Variants in IRF2 observed in about 807,000 individuals in gnomAD.
IRF2 encodes the protein interferon regulatory factor 2.
IRF2 carries 15 observed loss-of-function variants against 40.6 expected under a neutral mutation model. That is an observed-to-expected ratio of 0.37 (90% CI 0.25 to 0.57). IRF2 has a LOEUF of 0.57. IRF2 is among the 20% of genes least tolerant of loss of function. The probability of loss-of-function intolerance (pLI) is 0.77; values close to 1 mark genes in which losing one functional copy is unlikely to be tolerated. For synonymous variants in IRF2, 151 were observed against 165.5 expected (o/e 0.91, Z 0.67); for missense variants, 317 against 455.7 (o/e 0.70, Z 2.77).
intron 1 of IRF2, among the ~76,000 whole-genome samples, chr4:184,432,312 T>C (rs55996943): frequency 0.42 from 64,564 of 152,074 alleles, 14,451 homozygotes; most frequent in East Asian, 0.57. Context: ...AAGGCCACAC[T>C]CTGCCTTCCC....
In IRF2 at chr4:184,408,871, T is replaced by C. The variant is rs1736967645; in HGVS notation, c.412-596A>G. On this transcript the variant is annotated intron_variant, in intron 5 of 8. Coordinates refer to ENST00000393593, the MANE Select transcript of IRF2 (RefSeq NM_002199.4). This position sits in a 1 kb window ranked among gnomAD's most constrained non-coding sequence, Gnocchi z 4.9. Reference sequence around the variant, plus strand: ...AGTCCAGCCGGGCAACCCCACACCATGGGCTTTACATAAATGCCCTTCAGG... The same window carrying C: ...AGTCCAGCCGGGCAACCCCACACCACGGGCTTTACATAAATGCCCTTCAGG... Among the ~76,000 whole-genome samples, 4 of 152,262 alleles carry C rather than the reference T, an allele frequency of 2.6e-5. No homozygotes were observed. Among genetic ancestry groups the C allele is most frequent in the South Asian group, 4.1e-4 (2 of 4,836 alleles).
In IRF2 at chr4:184,418,760, G is replaced by A. The variant is rs1737371723; in HGVS notation, c.188-52C>T. 11 of 1,494,486 alleles carry A rather than the reference G, an allele frequency of 7.4e-6. No individual in the cohort carries two copies. In the East Asian group the frequency reaches 2.3e-4, roughly 31 times the overall value. 92.6% of individuals were successfully genotyped at this position (1,494,486 alleles called of 1,614,324 possible). ...AAAGAGAGAAAACATTAGATACAGA[G>A]GAAGGAATTTCTGGAAACACAGTAT... On this transcript the variant is annotated intron_variant, in intron 3 of 8. Coordinates refer to ENST00000393593, the MANE Select transcript of IRF2 (RefSeq NM_002199.4).
Position 184,398,876 on chromosome 4 carries a change from C to T in IRF2, c.694+39G>A, listed in dbSNP as rs113848358. 1.1e-4 allele frequency: 166 copies of T among 1,546,362 alleles called. 1 individual carries two copies. Among genetic ancestry groups the T allele is most frequent in the African/African-American group, 2.7e-4 (20 of 72,770 alleles). ...ACCCTAGACCAAAGGACTGCGCGGC[C>T]GGTTCCCACGCCTCCCGGAGCCTCC... On this transcript the variant is annotated intron_variant, in intron 7 of 8. Coordinates refer to ENST00000393593, the MANE Select transcript of IRF2 (RefSeq NM_002199.4).
chr4:184,403,219 G>A (rs918386480), intron 6 of IRF2, among the ~76,000 whole-genome samples: 3 of 152,030 alleles, frequency 2.0e-5, no homozygotes, highest in Non-Finnish European at 2.9e-5. Context: ...TCCCAATATC[G>A]AAATGCTCTC....
At chr4:184,389,102 T>C (rs780867125) in intron 8 of IRF2, 36 bp from the exon 9 acceptor site, 2 of 1,598,178 alleles carry the variant, frequency 1.3e-6, no homozygotes, top group South Asian at 2.2e-5. Flanking sequence ...TATTTCCTTC[T>C]CCTTCTATTG....
chr4:184,469,352 C>T (rs1739438713), intron 1 of IRF2, among the ~76,000 whole-genome samples: 1 of 152,182 alleles, frequency 6.6e-6, no homozygotes, highest in Non-Finnish European at 1.5e-5. Context: ...GGAGTTCTGA[C>T]TGGAAGTCAT....
intron 1 of IRF2, among the ~76,000 whole-genome samples, chr4:184,470,246 G>A (rs893047866): frequency 2.6e-5 from 4 of 152,112 alleles, no homozygotes; most frequent in South Asian, 4.1e-4. Context: ...ACATTTCACC[G>A]CAGTTTCGTT....
intron 8 of IRF2, 151 bp from the exon 9 acceptor site, chr4:184,389,217 T>G (rs1736163255): frequency 2.7e-6 from 2 of 736,980 alleles, no homozygotes; most frequent in Non-Finnish European, 4.5e-6. Flanking sequence ...CTCAGGAGTT[T>G]GAGACCAGCC....
intron 8 of IRF2, among the ~76,000 whole-genome samples, 172 bp downstream of exon 8, chr4:184,390,531 C>G (rs750538724): frequency 6.6e-6 from 1 of 152,206 alleles, no homozygotes; most frequent in Admixed American, 6.5e-5. Context: ...TTTATAACCC[C>G]AAACCCAAAA....
intron 8 of IRF2, 37 bp from the exon 9 acceptor site, chr4:184,389,103 CCTT>C: frequency 6.3e-7 from 1 of 1,596,754 alleles, no homozygotes; most frequent in Non-Finnish European, 8.6e-7. Context: ...ATTTCCTTCT[CCTT>C]CTATTGGATG....
intron 1 of IRF2, among the ~76,000 whole-genome samples, chr4:184,454,746 C>T (rs1389275882): frequency 1.3e-5 from 2 of 152,198 alleles, no homozygotes; most frequent in African/African-American, 2.4e-5. Flanking sequence ...GAACTGGAAC[C>T]TCACCACTCA....
chr4:184,473,245 C>T (rs2149922457), intron 1 of IRF2, among the ~76,000 whole-genome samples: 1 of 150,994 alleles, frequency 6.6e-6, no homozygotes, highest in Admixed American at 6.6e-5. Context: ...CTCGCGTCCC[C>T]ACCCCGCCGC....
intron 1 of IRF2, among the ~76,000 whole-genome samples, chr4:184,473,298 C>T (rs1739587930): frequency 6.7e-6 from 1 of 150,136 alleles, no homozygotes; most frequent in Non-Finnish European, 1.5e-5. Context: ...GCCCCCACTG[C>T]GCCGCTCGGT....
intron 2 of IRF2, among the ~76,000 whole-genome samples, chr4:184,428,300 A>C (rs58529169): frequency 1.3e-5 from 2 of 152,072 alleles, no homozygotes; most frequent in South Asian, 4.1e-4. Context: ...CTAATATAAA[A>C]CCCTGGAGTT....
At chr4:184,393,008 A>C (rs983626054) in intron 7 of IRF2, among the ~76,000 whole-genome samples, 3 of 152,152 alleles carry the variant, frequency 2.0e-5, no homozygotes, top group Non-Finnish European at 4.4e-5. Flanking sequence ...CGAGCACAAG[A>C]ATTGTTTCCA....
intron 2 of IRF2, among the ~76,000 whole-genome samples, chr4:184,421,871 G>C (rs1737494811): frequency 1.3e-5 from 2 of 152,164 alleles, no homozygotes; most frequent in African/African-American, 4.8e-5. Flanking sequence ...GAATAGTTCA[G>C]GTGTTTGTCC....
intron 6 of IRF2, 146 bp from the exon 7 acceptor site, chr4:184,399,225 T>A: frequency 1.3e-6 from 1 of 798,548 alleles, no homozygotes; most frequent in Non-Finnish European, 1.9e-6. Flanking sequence ...AGAACACGCC[T>A]GAGCTCTGTA....
intron 1 of IRF2, among the ~76,000 whole-genome samples, chr4:184,431,356 G>A (rs1737871072): frequency 6.6e-6 from 1 of 152,198 alleles, no homozygotes; most frequent in South Asian, 2.1e-4. Flanking sequence ...CTGCCATCTA[G>A]GAACTCCCAA....
In IRF2 at chr4:184,396,576, G is replaced by A. The variant is rs181279872; in HGVS notation, c.694+2339C>T. Among the ~76,000 whole-genome samples, 1,143 of 151,752 alleles carry A rather than the reference G, an allele frequency of 7.5e-3. 11 individuals carry two copies. The highest frequency in any genetic ancestry group is 0.053 in the South Asian group (254 of 4,804). On this transcript the variant is annotated intron_variant, in intron 7 of 8. Coordinates refer to ENST00000393593, the MANE Select transcript of IRF2 (RefSeq NM_002199.4). ...CAGCCTTCCAAGTGGCTGGGACTAC[G>A]GGCACATGCCACCACACCCGGTTAA...
Sources: gnomAD v4.1 joint callset for allele counts (sites outside exome capture counted in the v4.1 genomes callset) on GRCh38, gnomAD v4.1.1 for gene constraint, Gnocchi (gnomAD v3.1) non-coding constraint, MANE v1.5 for transcripts, NCBI Gene and HGNC (gene_info 2026-07-23, HGNC 2026-07-21) for gene names.